The following NPIPB15 variants were observed in gnomAD, a reference collection of about 807,000 sequenced individuals.
NPIPB15 encodes the protein nuclear pore complex interacting protein family member B15.
In NPIPB15, 5 loss-of-function variants were observed where a neutral mutation model predicts 35.9. The observed-to-expected ratio is 0.14, with a 90% CI of 0.07 to 0.29. The LOEUF is 0.29. Among genes scored for constraint, NPIPB15 ranks in the 10% least tolerant of loss-of-function variants. The pLI is 1.00. For missense variants in NPIPB15, 100 were observed against 506.1 expected, an observed-to-expected ratio of 0.20 and a Z score of 7.70; for synonymous variants, 43 against 182.0, an observed-to-expected ratio of 0.24 and a Z score of 6.15.
chr16:74,379,647 T>C (rs1409617021), intron 2 of NPIPB15, among the ~76,000 whole-genome samples: 8 of 151,320 alleles, frequency 5.3e-5, no homozygotes, highest in African/African-American at 1.7e-4. Flanking sequence ...TGAAGTGCAG[T>C]GGTGCGATCT....
intron 5 of NPIPB15, among the ~76,000 whole-genome samples, chr16:74,387,433 T>C (rs1263586414): frequency 6.7e-6 from 1 of 149,670 alleles, no homozygotes; most frequent in Non-Finnish European, 1.5e-5. Context: ...TTTACTGCCA[T>C]GTTAGCTATT....
At position 74,388,385 on chromosome 16, in the gene NPIPB15, A is replaced by G; in HGVS notation, c.546-1440A>G. 4.4e-6 allele frequency: 4 copies of G among 912,444 alleles called. 1 individual carries two copies. Among genetic ancestry groups the G allele is most frequent in the South Asian group, 1.0e-4 (2 of 19,858 alleles). 56.5% of individuals were successfully genotyped at this position (912,444 alleles called of 1,614,324 possible). A position where few individuals can be genotyped will look rare whatever the true frequency, so the allele number is the denominator to read the frequency against. ...AAAATGATCTTTCGCTGTGTCAAAC[A>G]CAAGACTGACCCCAGACACACACAT... On this transcript the variant is annotated intron_variant, in intron 5 of 7. Coordinates refer to ENST00000692376, the MANE Select transcript of NPIPB15 (RefSeq NM_001306094.2).
intron 5 of NPIPB15, chr16:74,388,951 G>C: frequency 2.2e-6 from 2 of 919,316 alleles, no homozygotes; most frequent in Non-Finnish European, 2.6e-6. Flanking sequence ...GAGAGAGAGA[G>C]AGTTCACAAA....
chr16:74,388,832 C>T (rs1424438363), intron 5 of NPIPB15: 1 of 961,338 alleles, frequency 1.0e-6, no homozygotes, highest in African/African-American at 1.8e-5. Context: ...AGAAACTGAA[C>T]CCCACCCTCC....
At chr16:74,377,468 G>A (rs1597149309) in intron 1 of NPIPB15, among the ~76,000 whole-genome samples, 122 bp downstream of exon 1, 1 of 152,074 alleles carries the variant, frequency 6.6e-6, no homozygotes, top group Non-Finnish European at 1.5e-5. Context: ...CACCACCGGG[G>A]TCATCAGGGA....
chr16:74,378,423 C>CTTTTTTT (rs1002146100), intron 2 of NPIPB15, among the ~76,000 whole-genome samples: 8 of 86,122 alleles, frequency 9.3e-5, no homozygotes, highest in Non-Finnish European at 1.5e-4. Context: ...GGTTTGATGC[C>CTTTTTTT]TTTTTTTTTT....
chr16:74,382,668 C>A (rs2012055255), intron 3 of NPIPB15, among the ~76,000 whole-genome samples: 1 of 152,248 alleles, frequency 6.6e-6, no homozygotes, highest in Non-Finnish European at 1.5e-5. Context: ...GGGGCTGAAC[C>A]TCCTTCTGAA....
chr16:74,377,702 C>G (rs571594293), intron 1 of NPIPB15, among the ~76,000 whole-genome samples: 798 of 148,908 alleles, frequency 5.4e-3, no homozygotes, highest in South Asian at 0.01. Flanking sequence ...TTCCCAGACC[C>G]CTTTCTTCTC....
chr16:74,381,058 G>T (rs2142658881), intron 2 of NPIPB15, among the ~76,000 whole-genome samples: 1 of 143,398 alleles, frequency 7.0e-6, no homozygotes, highest in Middle Eastern at 3.7e-3. Flanking sequence ...GAGGAGAATG[G>T]CTTGAGCCCA....
At chr16:74,380,095 CAAGTA>C (rs2011903742) in intron 2 of NPIPB15, among the ~76,000 whole-genome samples, 1 of 146,840 alleles carries the variant, frequency 6.8e-6, no homozygotes, top group Non-Finnish European at 1.5e-5. Context: ...ATTTAAAAAA[CAAGTA>C]AATAACTTTA....
intron 5 of NPIPB15, among the ~76,000 whole-genome samples, chr16:74,386,102 A>C (rs2012265432): frequency 8.5e-6 from 1 of 116,998 alleles, no homozygotes. Flanking sequence ...CTCCTGCCTC[A>C]GCCTCCCAAG....
intron 2 of NPIPB15, among the ~76,000 whole-genome samples, chr16:74,379,451 T>TGA (rs1204999916): frequency 2.0e-5 from 3 of 152,104 alleles, no homozygotes; most frequent in Non-Finnish European, 2.9e-5. Context: ...TGTAGAAATG[T>TGA]TATCACAAGC....
At position 74,381,591 on chromosome 16, in the gene NPIPB15, C is replaced by A. The variant is rs764393356; in HGVS notation, c.142C>A (p.His48Asn). Residue 48 changes from histidine to asparagine, a missense_variant, in exon 3 of 8, where the codon CAT (histidine) becomes AAT (asparagine). By Grantham distance (68) the His-to-Asn change is moderately conservative. Transcript: ENST00000692376. ...AGGAGTTCGAGACCACCCTGGCCAA[C>A]ATGGCAAAACCCCATCTCCACAAAA... ...GVGVRDHPGQHGKTPSPQKLD... is the reference protein window; with the variant it reads ...GVGVRDHPGQNGKTPSPQKLD... 1.3e-6 allele frequency: 2 copies of A among 1,565,618 alleles called. No individual in the cohort carries two copies. Among genetic ancestry groups the A allele is most frequent in the Admixed American group, 1.8e-5 (1 of 55,278 alleles).
chr16:74,387,819 G>A (rs1446099444), intron 5 of NPIPB15, among the ~76,000 whole-genome samples: 4 of 151,084 alleles, frequency 2.6e-5, no homozygotes, highest in African/African-American at 4.9e-5. Flanking sequence ...GTTTCCTAGC[G>A]TTCTGGGAAT....
intron 2 of NPIPB15, among the ~76,000 whole-genome samples, chr16:74,379,070 G>T (rs1457351954): frequency 4.5e-4 from 69 of 152,316 alleles, no homozygotes; most frequent in Admixed American, 3.4e-3. Context: ...AAAGTGTTGG[G>T]ATTACAGGCG....
chr16:74,377,912 C>T (rs1353783512), intron 1 of NPIPB15, 40 bp from the exon 2 acceptor site: 1 of 1,469,430 alleles, frequency 6.8e-7, no homozygotes, highest in South Asian at 1.2e-5. Flanking sequence ...TCCCTCCCCC[C>T]TGCCCTAAGC....
At chr16:74,386,671 C>T (rs1432343520) in intron 5 of NPIPB15, among the ~76,000 whole-genome samples, 1 of 151,896 alleles carries the variant, frequency 6.6e-6, no homozygotes, top group Non-Finnish European at 1.5e-5. Flanking sequence ...ATTGGCCAAG[C>T]TGGTCTAGAA....
rs897994904 is a variant in NPIPB15, at chr16:74,385,934, T to A, written c.545+185T>A. Among the ~76,000 whole-genome samples the A allele has an allele frequency of 2.1e-4, 26 of 123,590 alleles. 3 individuals are homozygous for A. The highest frequency in any genetic ancestry group is 7.6e-4 in the African/African-American group (26 of 34,122). 81.1% of individuals were successfully genotyped at this position (123,590 alleles called of 152,430 possible). A position where few individuals can be genotyped will look rare whatever the true frequency, so the allele number is the denominator to read the frequency against. ...ATTCCTTTCCCTTCCTACATTCTTG[T>A]TTGTAATTTTTTCGGGGGAAGAGGA... On this transcript the variant is annotated intron_variant, in intron 5 of 7. Coordinates refer to ENST00000692376, the MANE Select transcript of NPIPB15 (RefSeq NM_001306094.2).
chr16:74,377,266 T>G lies in NPIPB15; in HGVS notation c.-103T>G, dbSNP rs1422154284. ...TTATGTTTTGTCGCCAAAAGTGACC[T>G]TGAGGAACCCTGGGAGCTCAGGAAG... On this transcript the variant is annotated 5_prime_UTR_variant, in exon 1 of 8. Transcript: ENST00000692376. Among the ~76,000 whole-genome samples the G allele has an allele frequency of 6.6e-6, 1 of 151,166 alleles. No individual in the cohort carries two copies. Among genetic ancestry groups the G allele is most frequent in the African/African-American group, 2.4e-5 (1 of 40,960 alleles).
Sources: allele counts gnomAD v4.1 joint callset (sites outside exome capture counted in the v4.1 genomes callset), GRCh38; gene constraint gnomAD v4.1.1; transcripts MANE v1.5; gene names NCBI Gene and HGNC (gene_info 2026-07-23, HGNC 2026-07-21).